Variants in FAF2 observed in about 807,000 individuals in gnomAD.
FAF2 encodes Fas associated factor family member 2.
A neutral mutation model predicts 62.3 loss-of-function variants in FAF2; 9 were observed. The observed-to-expected ratio is 0.14, with a 90% CI of 0.09 to 0.25. The LOEUF is 0.25. Ranked by LOEUF, FAF2 falls within the 10% of genes least tolerant of loss-of-function variation. The pLI is 1.00. For synonymous variants in FAF2, 202 were observed against 198.0 expected (o/e 1.02, Z -0.17); for missense variants, 368 against 556.2 (o/e 0.66, Z 3.40).
intron 1 of FAF2, among the ~76,000 whole-genome samples, chr5:176,478,891 G>A (rs1758744547): frequency 6.6e-6 from 1 of 152,142 alleles, no homozygotes; most frequent in South Asian, 2.1e-4. Flanking sequence ...TAGCCCACAG[G>A]TTGAAAAATC....
intron 3 of FAF2, among the ~76,000 whole-genome samples, chr5:176,488,710 A>G (rs1481297186): frequency 1.3e-5 from 2 of 152,196 alleles, no homozygotes; most frequent in Non-Finnish European, 1.5e-5. Context: ...GGCAGGAGAT[A>G]CAGCTCTGGA....
At chr5:176,460,091 C>G (rs1758352151) in intron 1 of FAF2, among the ~76,000 whole-genome samples, 1 of 152,096 alleles carries the variant, frequency 6.6e-6, no homozygotes, top group African/African-American at 2.4e-5. Flanking sequence ...GCGTGGTATT[C>G]TATAGTGTAT....
rs1347401247 is a variant in FAF2 at position 176,510,035 on chromosome 5, A to G, written c.*3085A>G. 6.6e-6 allele frequency: 1 copy of G among 152,612 alleles called. No homozygotes were observed. The highest frequency in any genetic ancestry group is 1.5e-5 in the Non-Finnish European group (1 of 68,034). 9.5% of individuals were successfully genotyped at this position (152,612 alleles called of 1,614,324 possible). A position where few individuals can be genotyped will look rare whatever the true frequency, so the allele number is the denominator to read the frequency against. ...TTTTTTTCATAAAAGTTTACATTGT[A>G]TTGTAGGTTAACATTAAATGTTTTA... On this transcript the variant is annotated 3_prime_UTR_variant, in exon 11 of 11. Coordinates refer to ENST00000261942, the MANE Select transcript of FAF2 (RefSeq NM_014613.3).
intron 1 of FAF2, among the ~76,000 whole-genome samples, chr5:176,452,363 G>T (rs1758204240): frequency 6.6e-6 from 1 of 152,060 alleles, no homozygotes; most frequent in Non-Finnish European, 1.5e-5. Flanking sequence ...TGGCCAGCAG[G>T]TAACATTTAT....
At chr5:176,506,192 C>CA (rs1166725144) in intron 10 of FAF2, among the ~76,000 whole-genome samples, 878 of 63,950 alleles carry the variant, frequency 0.014, 7 homozygotes, top group South Asian at 0.027. Flanking sequence ...GAGACTCTCT[C>CA]AAAAAAAAAA....
chr5:176,463,111 G>A (rs975790691), intron 1 of FAF2, among the ~76,000 whole-genome samples: 1 of 152,010 alleles, frequency 6.6e-6, no homozygotes, highest in Admixed American at 6.6e-5. Flanking sequence ...AATTAATAGG[G>A]GCCAGGCCTG....
intron 10 of FAF2, among the ~76,000 whole-genome samples, chr5:176,502,899 T>A (rs1327813051): frequency 6.6e-6 from 1 of 151,622 alleles, no homozygotes; most frequent in Non-Finnish European, 1.5e-5. Flanking sequence ...AGTACAAAAA[T>A]TAGCTGGGTG....
At chr5:176,491,688 T>C (rs974184212) in intron 4 of FAF2, among the ~76,000 whole-genome samples, 3 of 152,194 alleles carry the variant, frequency 2.0e-5, no homozygotes, top group Non-Finnish European at 4.4e-5. Context: ...ATCTCCGCTG[T>C]TCAGTATGAA....
intron 1 of FAF2, among the ~76,000 whole-genome samples, chr5:176,453,979 C>T (rs1758231278): frequency 6.6e-6 from 1 of 151,126 alleles, no homozygotes; most frequent in South Asian, 2.1e-4. Context: ...TTGCTTGAAC[C>T]CAGGAGGCGA....
chr5:176,493,961 A>G (rs2113742504), intron 5 of FAF2, 38 bp from the exon 6 acceptor site: 1 of 1,405,726 alleles, frequency 7.1e-7, no homozygotes, highest in East Asian at 2.3e-5. Context: ...CTCAAGGCAC[A>G]GTCTTCTTAA....
At chr5:176,451,461 G>T (rs1208156518) in intron 1 of FAF2, among the ~76,000 whole-genome samples, 2 of 152,154 alleles carry the variant, frequency 1.3e-5, no homozygotes, top group Middle Eastern at 6.8e-3. Context: ...TGAGATTACA[G>T]TGTTGAGATG....
chr5:176,456,366 C>T (rs1217392761), intron 1 of FAF2, among the ~76,000 whole-genome samples: 1 of 152,108 alleles, frequency 6.6e-6, no homozygotes, highest in African/African-American at 2.4e-5. Context: ...GCCACCGTGC[C>T]CGGCCCAAAA....
In FAF2 at chr5:176,460,055, A is replaced by T. The variant is rs552229595; in HGVS notation, c.63+11585A>T. Among the ~76,000 whole-genome samples, 8 of 152,198 alleles carry T rather than the reference A, an allele frequency of 5.3e-5. No homozygotes were observed. In the South Asian group the frequency reaches 1.5e-3, roughly 28 times the overall value. ...GGCTACATCCATGTTGCTGCAAAGG[A>T]TGTGATTTTGTTCTTTTTTATGAGT... is the stretch of plus-strand genomic sequence containing the variant. On this transcript the variant is annotated intron_variant, in intron 1 of 10. Coordinates refer to ENST00000261942, the MANE Select transcript of FAF2 (RefSeq NM_014613.3).
At chr5:176,495,716 T>C (rs1256649071) in intron 7 of FAF2, among the ~76,000 whole-genome samples, 1 of 152,074 alleles carries the variant, frequency 6.6e-6, no homozygotes, top group African/African-American at 2.4e-5. Context: ...TTCATTATGT[T>C]GGCCAGGCTG....
rs552908736 is a variant in FAF2 at position 176,509,953 on chromosome 5, G to A, written c.*3003G>A. 1 of 152,674 alleles carries A rather than the reference G, an allele frequency of 6.5e-6. No homozygotes were observed. Among genetic ancestry groups the A allele is most frequent in the East Asian group, 1.9e-4 (1 of 5,206 alleles). The allele number at this position is 152,674 out of a possible 1,614,324, so 9.5% of individuals were successfully genotyped here. A position where few individuals can be genotyped will look rare whatever the true frequency, so the allele number is the denominator to read the frequency against. ...CACAAAGGATGCAGTGCCCCAACTT[G>A]TACTGCGCCTGAATAGTCATGTGAT... On this transcript the variant is annotated 3_prime_UTR_variant, in exon 11 of 11. Transcript: ENST00000261942.
At chr5:176,504,038 C>G (rs957358490) in intron 10 of FAF2, among the ~76,000 whole-genome samples, 4 of 150,952 alleles carry the variant, frequency 2.6e-5, no homozygotes, top group Non-Finnish European at 5.9e-5. Flanking sequence ...ACCTGGGAGG[C>G]GGAGGTTACA....
chr5:176,467,360 C>T lies in FAF2; in HGVS notation c.64-11828C>T, dbSNP rs764645627. 4.0e-5 allele frequency among the ~76,000 whole-genome samples: 6 copies of T among 151,072 alleles called. No individual in the cohort carries two copies. In the East Asian group the frequency reaches 7.8e-4, roughly 20 times the overall value. On this transcript the variant is annotated intron_variant, in intron 1 of 10. Coordinates refer to ENST00000261942, the MANE Select transcript of FAF2 (RefSeq NM_014613.3). The stretch of plus-strand genomic sequence containing the variant: ...TTTTGGTTTTTTTTTGAGTCAGTGT[C>T]GCCCTTTTTGCCCAGCCTAGAGTGC...
intron 7 of FAF2, among the ~76,000 whole-genome samples, chr5:176,496,072 C>T (rs1755465433): frequency 6.6e-6 from 1 of 152,168 alleles, no homozygotes; most frequent in Non-Finnish European, 1.5e-5. Flanking sequence ...TTAAACTCTG[C>T]AGCCTTCCCT....
chr5:176,506,744 T>C (rs765222344), intron 10 of FAF2, 24 bp from the exon 11 acceptor site: 30 of 1,605,288 alleles, frequency 1.9e-5, no homozygotes, highest in Non-Finnish European at 2.6e-5. Flanking sequence ...TCACCACCCT[T>C]CTTTTTCTAT....
Sources: allele counts gnomAD v4.1 joint callset (sites outside exome capture counted in the v4.1 genomes callset), GRCh38; gene constraint gnomAD v4.1.1; transcripts MANE v1.5; gene names NCBI Gene and HGNC (gene_info 2026-07-23, HGNC 2026-07-21).